Variants in TRAF2 observed in about 807,000 individuals in gnomAD.
TRAF2 encodes TNF receptor-associated factor 2.
Under a neutral mutation model 55.6 loss-of-function variants are expected in TRAF2, and 6 were observed. The ratio of observed to expected loss-of-function variants is 0.11; its 90% CI spans 0.06 to 0.21. The LOEUF (loss-of-function observed/expected upper bound fraction) is 0.21, where lower values mean the gene tolerates loss of function less well. Ranked by LOEUF, TRAF2 falls within the 10% of genes least tolerant of loss-of-function variation. TRAF2 has a pLI of 1.00. For missense variants in TRAF2, 561 were observed against 684.5 expected (o/e 0.82, Z 2.01); for synonymous variants, 329 against 276.3 (o/e 1.19, Z -1.89).
At chr9:136,924,080 G>T in intron 10 of TRAF2, 80 bp downstream of exon 10, 2 of 1,548,482 alleles carry the variant, frequency 1.3e-6, no homozygotes, top group Non-Finnish European at 1.7e-6. Context: ...GTGCAGGGTT[G>T]TGCGGGACAA....
intron 4 of TRAF2, among the ~76,000 whole-genome samples, chr9:136,904,420 A>T (rs1849898279): frequency 6.6e-6 from 1 of 151,452 alleles, no homozygotes; most frequent in African/African-American, 2.4e-5. Context: ...TTTTTTATTT[A>T]TTTGAGATGG....
chr9:136,909,928 C>G lies in TRAF2; in HGVS notation c.537C>G (p.His179Gln). The G allele has an allele frequency of 6.2e-7, 1 of 1,614,198 alleles. No homozygotes were observed. Among genetic ancestry groups the G allele is most frequent in the Non-Finnish European group, 8.5e-7 (1 of 1,180,036 alleles). Reference protein sequence around the residue: ...PCCGADVKAHHEVCPKFPLTC... With the variant: ...PCCGADVKAHQEVCPKFPLTC... ...GATCCCTTCTTTTGAAGGCGCACCA[C>G]GAGGTCTGCCCCAAGTTCCCCTTAA... is the stretch of plus-strand genomic sequence containing the variant. The change falls in exon 6 of 11, where the codon CAC (histidine) becomes CAG (glutamine). Residue 179 changes from histidine (H) to glutamine (Q), a missense_variant. His to Gln is a conservative substitution (Grantham distance 24). This residue lies in a region of TRAF2 where 426 missense variants were observed against 476.8 expected (regional missense o/e 0.89). Coordinates refer to ENST00000247668, the MANE Select transcript of TRAF2 (RefSeq NM_021138.4).
In TRAF2 at chr9:136,923,921, G is replaced by A. The variant is rs754210099; in HGVS notation, c.1208G>A (p.Arg403Gln). 5.1e-5 allele frequency: 82 copies of A among 1,613,892 alleles called. No homozygotes were observed. The highest frequency in any genetic ancestry group is 6.4e-5 in the Non-Finnish European group (76 of 1,180,014). ...TACCTGAACGGCGACGGCACCGGGC[G>A]AGGAACACACCTGTCCCTCTTCTTT... ...RIYLNGDGTG[R>Q]GTHLSLFFVV... The change falls in exon 10 of 11, where the codon CGA becomes CAA. Residue 403 changes from arginine (R) to glutamine (Q), a missense_variant. Around this residue, in one of 2 missense-constraint regions of TRAF2, gnomAD observed 135 missense variants for 207.7 expected, o/e 0.65. Coordinates refer to ENST00000247668, the MANE Select transcript of TRAF2 (RefSeq NM_021138.4).
intron 6 of TRAF2, among the ~76,000 whole-genome samples, chr9:136,913,295 ATTT>A (rs369765173): frequency 1.5e-4 from 13 of 87,084 alleles, no homozygotes; most frequent in East Asian, 1.2e-3. Flanking sequence ...TTATAAAGGA[ATTT>A]TTTTTTTTTT....
chr9:136,910,749 G>A (rs1271997783), intron 6 of TRAF2, among the ~76,000 whole-genome samples: 1 of 152,230 alleles, frequency 6.6e-6, no homozygotes, highest in Non-Finnish European at 1.5e-5. Flanking sequence ...GTGTGTGCCT[G>A]TCTTTCTGAT....
intron 4 of TRAF2, among the ~76,000 whole-genome samples, chr9:136,903,830 C>T (rs921589523): frequency 1.3e-5 from 2 of 151,902 alleles, no homozygotes; most frequent in Non-Finnish European, 2.9e-5. Flanking sequence ...CTACAGGCGC[C>T]CCCACCACTC....
At chr9:136,912,711 C>T (rs967545153) in intron 6 of TRAF2, among the ~76,000 whole-genome samples, 1 of 147,396 alleles carries the variant, frequency 6.8e-6, no homozygotes, top group Admixed American at 6.8e-5. Context: ...GTGGTGCACA[C>T]CTGTAGTCCC....
chr9:136,894,190 G>A (rs1305544932), intron 1 of TRAF2, among the ~76,000 whole-genome samples: 2 of 151,802 alleles, frequency 1.3e-5, no homozygotes, highest in African/African-American at 4.8e-5. Flanking sequence ...GGGATTACAG[G>A]CACACACCAC....
At chr9:136,908,745 C>T (rs1484729914) in intron 5 of TRAF2, among the ~76,000 whole-genome samples, 2 of 152,108 alleles carry the variant, frequency 1.3e-5, no homozygotes, top group African/African-American at 2.4e-5. Context: ...TGGCGGGCGC[C>T]TGCAGTCCCA....
chr9:136,905,680 A>G (rs536672494), intron 4 of TRAF2, among the ~76,000 whole-genome samples: 4 of 152,320 alleles, frequency 2.6e-5, no homozygotes, highest in Admixed American at 6.5e-5. Context: ...GTTCCCAGTC[A>G]TAGCAGACTT....
chr9:136,923,525 C>T (rs925324256), intron 9 of TRAF2, among the ~76,000 whole-genome samples: 6 of 141,202 alleles, frequency 4.2e-5, no homozygotes, highest in East Asian at 2.2e-4. Context: ...GCAGGAGAAT[C>T]GCTTGATCCC....
chr9:136,924,884 A>ACC (rs1491250948), intron 10 of TRAF2, among the ~76,000 whole-genome samples: 2 of 151,682 alleles, frequency 1.3e-5, no homozygotes, highest in African/African-American at 4.9e-5. Flanking sequence ...GACTACAGGC[A>ACC]TGCACCACCA....
At chr9:136,905,016 G>C (rs1255927736) in intron 4 of TRAF2, among the ~76,000 whole-genome samples, 1 of 152,234 alleles carries the variant, frequency 6.6e-6, no homozygotes, top group South Asian at 2.1e-4. Context: ...CTGTGTGAAG[G>C]TTTGGGAGGA....
At chr9:136,898,594 C>G in intron 1 of TRAF2, 119 bp from the exon 2 acceptor site, 1 of 1,478,606 alleles carries the variant, frequency 6.8e-7, no homozygotes. Context: ...TGAGTCTTGA[C>G]CGCAGGTCAG....
intron 4 of TRAF2, 36 bp downstream of exon 4, chr9:136,900,556 T>C: frequency 1.3e-6 from 2 of 1,582,618 alleles, no homozygotes; most frequent in Non-Finnish European, 1.7e-6. Flanking sequence ...TGACAGAAGC[T>C]CCAGCAGTCG....
intron 4 of TRAF2, among the ~76,000 whole-genome samples, chr9:136,906,659 C>G (rs914872295): frequency 6.6e-6 from 1 of 151,892 alleles, no homozygotes; most frequent in African/African-American, 2.4e-5. Flanking sequence ...CAAAACAAAA[C>G]AAAAAGCCCT....
At chr9:136,910,032 G>GA in intron 6 of TRAF2, 38 bp downstream of exon 6, 1 of 1,601,238 alleles carries the variant, frequency 6.2e-7, no homozygotes, top group East Asian at 2.3e-5. Flanking sequence ...CCGCAGGGCG[G>GA]GGCCCATGTG....
At chr9:136,902,911 G>A (rs1377831042) in intron 4 of TRAF2, among the ~76,000 whole-genome samples, 3 of 152,164 alleles carry the variant, frequency 2.0e-5, no homozygotes, top group African/African-American at 4.8e-5. Flanking sequence ...ATCCTGCTTA[G>A]CTTTTGAATG....
intron 7 of TRAF2, among the ~76,000 whole-genome samples, chr9:136,918,255 A>ATATATATATATATTTATTTATT (rs1402432355): frequency 8.6e-5 from 2 of 23,346 alleles, no homozygotes; most frequent in African/African-American, 4.2e-4. Flanking sequence ...ATATATATAT[A>ATATATATATATATTTATTTATT]TATTTATTTA....
Sources: gnomAD v4.1 joint callset for allele counts (sites outside exome capture counted in the v4.1 genomes callset) on GRCh38, gnomAD v4.1.1 for gene constraint, gnomAD v4.1.1 regional missense constraint, MANE v1.5 for transcripts, NCBI Gene and HGNC (gene_info 2026-07-23, HGNC 2026-07-21) for gene names.